RAB11FIP4: variants seen among roughly 807,000 people sequenced by gnomAD.
RAB11FIP4 encodes rab11 family-interacting protein 4.
RAB11FIP4 carries 23 observed loss-of-function variants against 74.3 expected under a neutral mutation model. That is an observed-to-expected ratio of 0.31 (90% CI 0.22 to 0.44). The LOEUF is 0.44. RAB11FIP4 is among the 20% of genes least tolerant of loss of function. The probability of loss-of-function intolerance (pLI) is 1.00; values close to 1 mark genes in which losing one functional copy is unlikely to be tolerated. For missense variants in RAB11FIP4, 630 were observed against 863.9 expected, an observed-to-expected ratio of 0.73 and a Z score of 3.39; for synonymous variants, 360 against 359.9, an observed-to-expected ratio of 1.00 and a Z score of 0.00.
intron 4 of RAB11FIP4, among the ~76,000 whole-genome samples, chr17:31,520,266 G>A (rs1324104478): frequency 6.6e-6 from 1 of 152,114 alleles, no homozygotes; most frequent in Admixed American, 6.5e-5. Context: ...TGGGACTTGA[G>A]CATCCTCAGA....
intron 1 of RAB11FIP4, among the ~76,000 whole-genome samples, chr17:31,399,992 G>C (rs1255768530): frequency 6.6e-6 from 1 of 151,376 alleles, no homozygotes; most frequent in African/African-American, 2.4e-5. Flanking sequence ...GCAGTGAGCC[G>C]AGATTGCGCC....
At chr17:31,401,607 C>T (rs1004629496) in intron 1 of RAB11FIP4, among the ~76,000 whole-genome samples, 2 of 152,248 alleles carry the variant, frequency 1.3e-5, no homozygotes, top group South Asian at 2.1e-4. Flanking sequence ...TCAGGGCTTA[C>T]AGGCGCAAAA....
chr17:31,452,954 C>T (rs2071539784), intron 3 of RAB11FIP4, among the ~76,000 whole-genome samples: 1 of 152,144 alleles, frequency 6.6e-6, no homozygotes, highest in Non-Finnish European at 1.5e-5. Flanking sequence ...GCAGCTGACC[C>T]CGCGGGGAAC....
intron 1 of RAB11FIP4, among the ~76,000 whole-genome samples, chr17:31,411,348 A>T (rs2071093548): frequency 6.6e-6 from 1 of 152,232 alleles, no homozygotes; most frequent in Non-Finnish European, 1.5e-5. Flanking sequence ...TGGGCGACAG[A>T]GTGCGATTCC....
chr17:31,426,737 T>G (rs2071255017), intron 1 of RAB11FIP4, among the ~76,000 whole-genome samples: 2 of 151,542 alleles, frequency 1.3e-5, no homozygotes, highest in African/African-American at 4.8e-5. Context: ...TAGCTGGGAC[T>G]ACAGGTGCAC....
intron 1 of RAB11FIP4, among the ~76,000 whole-genome samples, chr17:31,430,046 G>C (rs901247238): frequency 6.6e-6 from 1 of 152,164 alleles, no homozygotes; most frequent in African/African-American, 2.4e-5. Context: ...CAGGATAGCA[G>C]CGGGGTGGGC....
chr17:31,416,650 C>T (rs546581286), intron 1 of RAB11FIP4, among the ~76,000 whole-genome samples: 1 of 152,166 alleles, frequency 6.6e-6, no homozygotes, highest in Non-Finnish European at 1.5e-5. Flanking sequence ...CGCCTGAAGC[C>T]CCAGGAGAGG....
chr17:31,450,100 T>C (rs1323324812), intron 3 of RAB11FIP4, among the ~76,000 whole-genome samples: 1 of 152,130 alleles, frequency 6.6e-6, no homozygotes, highest in African/African-American at 2.4e-5. Context: ...TTATCCCTCC[T>C]CTAGAACTGT....
chr17:31,520,120 A>G (rs1421035279), intron 4 of RAB11FIP4, among the ~76,000 whole-genome samples: 2 of 151,570 alleles, frequency 1.3e-5, no homozygotes, highest in African/African-American at 2.4e-5. Context: ...AAAAAGACAA[A>G]CTTAAAAAAT....
rs1055138460 is a variant in RAB11FIP4, at chr17:31,535,394, C to T, written c.*3662C>T. The stretch of plus-strand genomic sequence containing the variant: ...TGTCTGGGCTGAACCCCCAGAGGTT[C>T]GGATTGAATTGGTGTGGGGTGTGGT... On this transcript the variant is annotated 3_prime_UTR_variant, in exon 15 of 15. Transcript: ENST00000621161. 5.9e-5 allele frequency: 9 copies of T among 152,102 alleles called. No homozygotes were observed. Among genetic ancestry groups the T allele is most frequent in the East Asian group, 3.9e-4 (2 of 5,178 alleles). The allele number at this position is 152,102 out of a possible 1,614,324, so 9.4% of individuals were successfully genotyped here.
In RAB11FIP4 at chr17:31,521,305, G is replaced by A. The variant is rs913536456; in HGVS notation, c.703G>A (p.Asp235Asn). ...VDCAPSSPCP[D>N]DETRTNVYSD... ...CTGTGCCCCCAGCAGCCCTTGCCCC[G>A]ATGATGAGACCAGGACCAACGTCTA... Residue 235 changes from aspartate to asparagine, a missense_variant, in exon 5 of 15, where the codon GAT becomes AAT. By Grantham distance (23) the Asp-to-Asn change is conservative. Transcript: ENST00000621161. 12 of 1,613,926 alleles carry A rather than the reference G, an allele frequency of 7.4e-6. No individual in the cohort carries two copies. The highest frequency in any genetic ancestry group is 1.7e-4 in the Middle Eastern group (1 of 6,060).
In RAB11FIP4 at chr17:31,521,438, G is replaced by T. The variant is rs8066568; in HGVS notation, c.758+78G>T. 3.5e-3 allele frequency: 4,533 copies of T among 1,303,720 alleles called. 138 individuals are homozygous for T. The African/African-American group carries it at 0.061, about 17-fold the overall frequency. 80.8% of individuals were successfully genotyped at this position (1,303,720 alleles called of 1,614,324 possible). ...TAAGCACATCCTAGGGGGTGGGGGG[G>T]TGCGAGTCCTGAGCTGGCCCTTTTC... On this transcript the variant is annotated intron_variant, in intron 5 of 14. Transcript: ENST00000621161.
chr17:31,394,660 A>G (rs2070910160), intron 1 of RAB11FIP4, among the ~76,000 whole-genome samples: 1 of 152,182 alleles, frequency 6.6e-6, no homozygotes, highest in Non-Finnish European at 1.5e-5. Context: ...CTGTCAAGAA[A>G]GAGAATCTAG....
rs769983482 is a variant in RAB11FIP4, at chr17:31,434,011, C to T, written c.248-23C>T. 77 of 1,566,232 alleles carry T rather than the reference C, an allele frequency of 4.9e-5. 1 individual carries two copies. Among genetic ancestry groups the T allele is most frequent in the Non-Finnish European group, 6.2e-5 (72 of 1,163,836 alleles). On this transcript the variant is annotated intron_variant, in intron 2 of 14. Coordinates refer to ENST00000621161, the MANE Select transcript of RAB11FIP4 (RefSeq NM_032932.6). ...GCTGAGGCTCAACCCCTCACTGTCC[C>T]GTGTGTCTGCCTGTCTGCGCAGGGT...
At chr17:31,487,585 A>C (rs1166980547) in intron 3 of RAB11FIP4, among the ~76,000 whole-genome samples, 1 of 152,078 alleles carries the variant, frequency 6.6e-6, no homozygotes, top group Non-Finnish European at 1.5e-5. Context: ...TCTGGATGAA[A>C]GTCAGCCTAG....
intron 3 of RAB11FIP4, among the ~76,000 whole-genome samples, chr17:31,445,530 T>TATATATATA (rs2071443149): frequency 1.6e-4 from 6 of 36,756 alleles, no homozygotes; most frequent in Non-Finnish European, 2.2e-4. Flanking sequence ...ATTTTCCCAA[T>TATATATATA]TTTATATATA....
chr17:31,493,886 G>C (rs1037728591), intron 3 of RAB11FIP4, among the ~76,000 whole-genome samples: 3 of 152,148 alleles, frequency 2.0e-5, no homozygotes, highest in Non-Finnish European at 1.5e-5. Context: ...AGTCTGTCCA[G>C]TTTAGGGCCC....
chr17:31,401,096 G>A lies in RAB11FIP4; in HGVS notation c.159+9085G>A, dbSNP rs1385002435. On this transcript the variant is annotated intron_variant, in intron 1 of 14. Transcript: ENST00000621161. ...ATCCTGGCTAACACGGTGAAACCCC[G>A]TCTCTACTAAAGATACAAAAACAAA... 5.3e-5 allele frequency among the ~76,000 whole-genome samples: 8 copies of A among 152,174 alleles called. No homozygotes were observed. In the East Asian group the frequency reaches 5.8e-4, roughly 11 times the overall value.
intron 3 of RAB11FIP4, among the ~76,000 whole-genome samples, chr17:31,444,349 A>ACCCC (rs367971641): frequency 1.4e-5 from 2 of 146,970 alleles, no homozygotes; most frequent in African/African-American, 5.1e-5. Context: ...ATGTTTCAAC[A>ACCCC]CCCCCCCCAC....
Sources: gnomAD v4.1 joint callset for allele counts (sites outside exome capture counted in the v4.1 genomes callset) on GRCh38, gnomAD v4.1.1 for gene constraint, MANE v1.5 for transcripts, NCBI Gene and HGNC (gene_info 2026-07-23, HGNC 2026-07-21) for gene names.